MYO1A: variants seen among roughly 807,000 people sequenced by gnomAD.
MYO1A encodes unconventional myosin-Ia.
A neutral mutation model predicts 138.5 loss-of-function variants in MYO1A; 127 were observed. The ratio of observed to expected loss-of-function variants is 0.92; its 90% CI spans 0.79 to 1.06. The LOEUF (loss-of-function observed/expected upper bound fraction) is 1.06. MYO1A is among the 50% of genes least tolerant of loss of function. The pLI, the probability that MYO1A is intolerant of heterozygous loss-of-function variation, is 0.00. For missense variants in MYO1A, 1,211 were observed against 1,288.8 expected (o/e 0.94, Z 0.92); for synonymous variants, 477 against 497.5 (o/e 0.96, Z 0.55).
intron 3 of MYO1A, 87 bp from the exon 4 acceptor site, chr12:57,047,808 ACTCT>A (rs1482975646): frequency 6.3e-7 from 1 of 1,576,336 alleles, no homozygotes; most frequent in East Asian, 2.3e-5. Context: ...AGGTTCATCC[ACTCT>A]CTCTACTTGG....
At chr12:57,046,753 G>C (rs2031112454) in intron 7 of MYO1A, 103 bp from the exon 8 acceptor site, 1 of 1,504,360 alleles carries the variant, frequency 6.6e-7, no homozygotes, top group Non-Finnish European at 9.2e-7. Context: ...CCTAGTGGTT[G>C]GGAAGTCTCC....
intron 8 of MYO1A, 122 bp downstream of exon 8, chr12:57,046,430 G>A (rs2031090518): frequency 1.3e-6 from 1 of 775,948 alleles, no homozygotes; most frequent in Non-Finnish European, 2.3e-6. Context: ...AGGAAAATCT[G>A]GGAGGCTCAA....
In MYO1A at chr12:57,028,759, T is replaced by C. The variant is rs370617353; in HGVS notation, c.3128A>G (p.Gln1043Arg). Residue 1043 changes from glutamine (Q) to arginine (R), a missense_variant, in exon 28 of 28, where the codon CAG becomes CGG. By Grantham distance (43) the Gln-to-Arg change is conservative. Transcript: ENST00000300119. ...TCTCTGCATGGTGCCCCCTCCTCAC[T>C]GCACAGTCACCTCCAAGCAATGACT... ...KGSHCLEVTV[Q>R] The C allele has an allele frequency of 8.4e-5, 135 of 1,614,058 alleles. 1 individual carries two copies. The South Asian group carries it at 1.2e-3, about 15-fold the overall frequency.
rs192714185 is a variant in MYO1A, at chr12:57,043,322, G to C, written c.929C>G (p.Ser310Ter). The C allele has an allele frequency of 1.7e-5, 27 of 1,614,144 alleles. No homozygotes were observed. The Admixed American group carries it at 3.2e-4, about 19-fold the overall frequency. Reference sequence around the variant, plus strand: ...GCACAAAGCTCTCTCTACTTCTTCTGAATTCAAGCCCACCATCTCCCCAAT... The same window carrying C: ...GCACAAAGCTCTCTCTACTTCTTCTCAATTCAAGCCCACCATCTCCCCAAT... ...REIGEMVGLN[S>*]EEVERALCSR... The change falls in exon 11 of 28, where the codon TCA (serine) becomes TGA (stop). Residue 310 changes from serine (S) to a stop codon, truncating the protein, a stop_gained. Transcript: ENST00000300119. LOFTEE classifies it high-confidence loss of function.
chr12:57,029,743 G>A lies in MYO1A; in HGVS notation c.2721C>T (p.Gly907=). 7 of 1,614,178 alleles carry A rather than the reference G, an allele frequency of 4.3e-6. No homozygotes were observed. The highest frequency in any genetic ancestry group is 5.9e-6 in the Non-Finnish European group (7 of 1,180,042). Residue 907 remains glycine (G), a synonymous_variant, in exon 25 of 28, where the codon GGC becomes GGT. Coordinates refer to ENST00000300119, the MANE Select transcript of MYO1A (RefSeq NM_005379.4). Reference sequence around the variant, plus strand: ...AGTTCAGCCTGCAGGCCCTTACCTTGCCATTGCCACGATTGACCTTCTTCA... The same window carrying A: ...AGTTCAGCCTGCAGGCCCTTACCTTACCATTGCCACGATTGACCTTCTTCA... ...EAVKKVNRGN[G]KTSSRILLLT...
chr12:57,038,546 G>A lies in MYO1A; in HGVS notation c.1626C>T (p.Leu542=). 1 of 1,614,232 alleles carries A rather than the reference G, an allele frequency of 6.2e-7. No homozygotes were observed. The change falls in exon 17 of 28, where the codon CTC becomes CTT. Residue 542 remains leucine, a synonymous_variant. Coordinates refer to ENST00000300119, the MANE Select transcript of MYO1A (RefSeq NM_005379.4). ...LQAMWKAQHP[L]LRSLFPEGNP... Reference sequence around the variant, plus strand: ...TGCCCTCAGGAAACAAGGACCGAAGGAGGGGGTGCTGGGCCTTCCACATGG... The same window carrying A: ...TGCCCTCAGGAAACAAGGACCGAAGAAGGGGGTGCTGGGCCTTCCACATGG...
intron 5 of MYO1A, 80 bp from the exon 6 acceptor site, chr12:57,047,187 G>A (rs2031139365): frequency 6.3e-7 from 1 of 1,595,058 alleles, no homozygotes; most frequent in Non-Finnish European, 8.6e-7. Context: ...GACAATCTCA[G>A]ATTTTTCTGG....
chr12:57,035,473 G>A (rs1380152179), intron 22 of MYO1A, among the ~76,000 whole-genome samples: 1 of 152,202 alleles, frequency 6.6e-6, no homozygotes, highest in Non-Finnish European at 1.5e-5. Flanking sequence ...GGGGCTGCAA[G>A]CAAACATGTC....
intron 26 of MYO1A, 30 bp from the exon 27 acceptor site, chr12:57,029,289 G>C: frequency 6.2e-7 from 1 of 1,613,702 alleles, no homozygotes; most frequent in Non-Finnish European, 8.5e-7. Flanking sequence ...AGCAGGAAAG[G>C]GATTCATTTT....
At chr12:57,036,245 C>G (rs1263269654) in intron 22 of MYO1A, 62 bp downstream of exon 22, 1 of 1,537,422 alleles carries the variant, frequency 6.5e-7, no homozygotes, top group South Asian at 1.1e-5. Flanking sequence ...TCTCAAACCC[C>G]TCTCCCAAAC....
chr12:57,029,095 C>T lies in MYO1A; in HGVS notation c.3005+37G>A, dbSNP rs542359385. 5.6e-6 allele frequency: 9 copies of T among 1,613,994 alleles called. 1 individual carries two copies. The African/African-American group carries it at 9.3e-5, about 17-fold the overall frequency. The stretch of plus-strand genomic sequence containing the variant: ...CGATGACCATCAGCCTGGCCATCTA[C>T]CGTAAGCCGCCCCTCACCCCCAGTT... On this transcript the variant is annotated intron_variant, in intron 27 of 27. Coordinates refer to ENST00000300119, the MANE Select transcript of MYO1A (RefSeq NM_005379.4).
intron 8 of MYO1A, among the ~76,000 whole-genome samples, chr12:57,044,786 T>C (rs1198434853): frequency 6.6e-6 from 1 of 152,224 alleles, no homozygotes; most frequent in Admixed American, 6.5e-5. Flanking sequence ...ACCCTCATTT[T>C]ACTCTTCTCC....
At chr12:57,043,771 ATT>A in intron 10 of MYO1A, 83 bp downstream of exon 10, 1 of 1,580,076 alleles carries the variant, frequency 6.3e-7, no homozygotes, top group Non-Finnish European at 8.6e-7. Flanking sequence ...GGTGAGATCA[ATT>A]ATGCTAGAGA....
chr12:57,028,907 C>G, intron 27 of MYO1A, 26 bp from the exon 28 acceptor site: 1 of 1,613,056 alleles, frequency 6.2e-7, no homozygotes. Flanking sequence ...AAAACCAAGT[C>G]TAGTGCCCAT....
chr12:57,041,890 G>C (rs1201429464), intron 12 of MYO1A, among the ~76,000 whole-genome samples: 1 of 152,194 alleles, frequency 6.6e-6, no homozygotes, highest in Non-Finnish European at 1.5e-5. Context: ...CAGAAGGATA[G>C]GTACTTACCA....
Position 57,029,199 on chromosome 12 carries a change from G to A in MYO1A, c.2938C>T (p.Leu980=). The A allele has an allele frequency of 6.2e-7, 1 of 1,614,152 alleles. No individual in the cohort carries two copies. The highest frequency in any genetic ancestry group is 8.5e-7 in the Non-Finnish European group (1 of 1,180,030). ...LLVSEHVIEL[L]TKMYRAVLDA... ...AGCACAGCCCGGTACATTTTGGTCA[G>A]CAGTTCAATCACATGCTCGCTGACC... Residue 980 remains leucine (L), a synonymous_variant, in exon 27 of 28, where the codon CTG becomes TTG. Coordinates refer to ENST00000300119, the MANE Select transcript of MYO1A (RefSeq NM_005379.4).
At position 57,029,158 on chromosome 12, in the gene MYO1A, C is replaced by G. The variant is rs1374673484; in HGVS notation, c.2979G>C (p.Arg993Ser). The G allele has an allele frequency of 6.2e-7, 1 of 1,614,072 alleles. No homozygotes were observed. Among genetic ancestry groups the G allele is most frequent in the Non-Finnish European group, 8.5e-7 (1 of 1,180,038 alleles). Residue 993 changes from arginine (R) to serine (S), a missense_variant, in exon 27 of 28, where the codon AGG becomes AGC. Arg to Ser is a moderately radical substitution (Grantham distance 110). Transcript: ENST00000300119. ...TCTCAGTCACGGTGACTGTAAGCTG[C>G]CTCTGCGTGGCATCCAGCACAGCCC... The part of the protein sequence containing the change: ...MYRAVLDATQ[R>S]QLTVTVTEKF...
intron 22 of MYO1A, 59 bp from the exon 23 acceptor site, chr12:57,031,233 A>G (rs1234020318): frequency 6.2e-7 from 1 of 1,602,802 alleles, no homozygotes; most frequent in African/African-American, 1.3e-5. Context: ...CTGACAGGCA[A>G]ACTGGCACCC....
upstream of MYO1A, among the ~76,000 whole-genome samples, chr12:57,050,984 C>T (rs1013936413): frequency 6.6e-6 from 1 of 152,188 alleles, no homozygotes; most frequent in South Asian, 2.1e-4. Context: ...CACTAGGATA[C>T]TGAGTAAGAC....
Sources: allele counts gnomAD v4.1 joint callset (sites outside exome capture counted in the v4.1 genomes callset), GRCh38; gene constraint gnomAD v4.1.1; transcripts MANE v1.5; gene names NCBI Gene and HGNC (gene_info 2026-07-23, HGNC 2026-07-21).